Variants in COMMD10 observed in about 807,000 individuals in gnomAD.
The protein encoded by COMMD10 is COMM domain-containing protein 10.
In COMMD10, 33 loss-of-function variants were observed where a neutral mutation model predicts 28.9. The ratio of observed to expected loss-of-function variants is 1.14; its 90% confidence interval spans 0.87 to 1.53. COMMD10 has a LOEUF of 1.53. Among genes scored for constraint, COMMD10 ranks in the 40% most tolerant of loss-of-function variants. The probability of loss-of-function intolerance (pLI) is 0.00; values close to 1 mark genes in which losing one functional copy is unlikely to be tolerated. For synonymous variants in COMMD10, 110 were observed against 81.7 expected (o/e 1.35, Z -1.87); for missense variants, 310 against 233.4 (o/e 1.33, Z -2.14).
intron 5 of COMMD10, among the ~76,000 whole-genome samples, chr5:116,225,910 C>G (rs1351065565): frequency 6.6e-6 from 1 of 151,722 alleles, no homozygotes; most frequent in African/African-American, 2.4e-5. Context: ...AGCTTGTGCT[C>G]TGAATTTGAG....
At chr5:116,235,261 G>A (rs1426976243) in intron 5 of COMMD10, among the ~76,000 whole-genome samples, 1 of 152,128 alleles carries the variant, frequency 6.6e-6, no homozygotes, top group African/African-American at 2.4e-5. Flanking sequence ...ATTCTTTTTA[G>A]GAGTGTTTTT....
chr5:116,108,291 G>C (rs1197922100), intron 4 of COMMD10, among the ~76,000 whole-genome samples: 1 of 152,234 alleles, frequency 6.6e-6, no homozygotes, highest in Non-Finnish European at 1.5e-5. Flanking sequence ...CCTTTCCCCA[G>C]GTGCTCTGTC....
In COMMD10 at chr5:116,176,265, C is replaced by G. The variant is rs541827738; in HGVS notation, c.510+42087C>G. ...TAGCTGAGATTACAGGCATGTGCCA[C>G]CACGCCTAGCTGATTGTTTTTCTAT... On this transcript the variant is annotated intron_variant, in intron 5 of 6. Coordinates refer to ENST00000274458, the MANE Select transcript of COMMD10 (RefSeq NM_016144.4). Among the ~76,000 whole-genome samples the G allele has an allele frequency of 6.2e-4, 95 of 152,280 alleles. 2 individuals carry two copies. Among genetic ancestry groups the G allele is most frequent in the African/African-American group, 2.2e-3 (90 of 41,570 alleles).
chr5:116,245,933 G>C (rs1340960576), intron 5 of COMMD10, among the ~76,000 whole-genome samples: 1 of 152,070 alleles, frequency 6.6e-6, no homozygotes, highest in African/African-American at 2.4e-5. Context: ...ACAAAACAAG[G>C]ATGCCCTCTC....
intron 6 of COMMD10, among the ~76,000 whole-genome samples, chr5:116,292,080 C>T (rs1479149866): frequency 6.6e-6 from 1 of 151,722 alleles, no homozygotes; most frequent in Non-Finnish European, 1.5e-5. Context: ...GTGTGGTTAT[C>T]CTGTTCAGCC....
intron 5 of COMMD10, among the ~76,000 whole-genome samples, chr5:116,221,651 T>A (rs563417681): frequency 1.4e-4 from 22 of 152,326 alleles, no homozygotes; most frequent in African/African-American, 5.3e-4. Context: ...TGGAAAAGTG[T>A]AGATACCTGC....
intron 4 of COMMD10, among the ~76,000 whole-genome samples, chr5:116,104,861 C>T (rs908748715): frequency 6.6e-5 from 10 of 152,166 alleles, no homozygotes; most frequent in Non-Finnish European, 1.0e-4. Context: ...CCTCGTGATC[C>T]GTCCGCCTTG....
intron 5 of COMMD10, among the ~76,000 whole-genome samples, chr5:116,191,244 A>G (rs1748361558): frequency 6.6e-6 from 1 of 152,140 alleles, no homozygotes; most frequent in Non-Finnish European, 1.5e-5. Context: ...AGAGAGAAGT[A>G]AATCTCTAGC....
chr5:116,225,938 T>A (rs1331556507), intron 5 of COMMD10, among the ~76,000 whole-genome samples: 1 of 152,148 alleles, frequency 6.6e-6, no homozygotes, highest in Admixed American at 6.6e-5. Flanking sequence ...CCTTCTGTGA[T>A]TAGCTTGGTG....
rs561284349 is a variant in COMMD10, at chr5:116,183,865, G to C, written c.510+49687G>C. Among the ~76,000 whole-genome samples, 9 of 152,228 alleles carry C rather than the reference G, an allele frequency of 5.9e-5. 1 individual carries two copies. In the South Asian group the frequency reaches 1.9e-3, roughly 32 times the overall value. On this transcript the variant is annotated intron_variant, in intron 5 of 6. Coordinates refer to ENST00000274458, the MANE Select transcript of COMMD10 (RefSeq NM_016144.4). ...GGCAGGCTATACGTGAATAGAATTA[G>C]TGCTTATTAGAAATGAGGTAGGATG...
intron 5 of COMMD10, among the ~76,000 whole-genome samples, chr5:116,191,305 G>A (rs907285876): frequency 4.6e-5 from 7 of 152,040 alleles, no homozygotes; most frequent in African/African-American, 9.7e-5. Flanking sequence ...GCCAGAACTC[G>A]GGTGAGGACA....
At chr5:116,259,104 C>G (rs187923321) in intron 5 of COMMD10, among the ~76,000 whole-genome samples, 1 of 148,674 alleles carries the variant, frequency 6.7e-6, no homozygotes, top group Non-Finnish European at 1.5e-5. Context: ...GCTTTCTCAC[C>G]CAGGCTGGGA....
chr5:116,110,687 G>T (rs1217008291), intron 4 of COMMD10, among the ~76,000 whole-genome samples: 1 of 152,160 alleles, frequency 6.6e-6, no homozygotes, highest in East Asian at 1.9e-4. Context: ...TGGTTCTGCA[G>T]GCTGTACTGG....
At chr5:116,242,046 G>A (rs1326922656) in intron 5 of COMMD10, among the ~76,000 whole-genome samples, 1 of 152,102 alleles carries the variant, frequency 6.6e-6, no homozygotes, top group African/African-American at 2.4e-5. Flanking sequence ...GGAGTCATAG[G>A]ACCCTGAGTT....
chr5:116,238,959 T>A (rs1340972956), intron 5 of COMMD10, among the ~76,000 whole-genome samples: 1 of 152,142 alleles, frequency 6.6e-6, no homozygotes, highest in Non-Finnish European at 1.5e-5. Flanking sequence ...AAAATTTGTT[T>A]TTCTCCAAGA....
Position 116,113,942 on chromosome 5 carries a change from CTT to C in COMMD10, c.400-20124_400-20123del, listed in dbSNP as rs542002058. Among the ~76,000 whole-genome samples, 38 of 151,360 alleles carry C rather than the reference CTT, an allele frequency of 2.5e-4. No individual in the cohort carries two copies. The South Asian group carries it at 7.8e-3, about 31-fold the overall frequency. ...CAATTTAACTTTTGTTTGGAGTAGACTTTGCTCCTTTATATGTGACTTCGATG... is the reference window on the plus strand; with the variant it reads ...CAATTTAACTTTTGTTTGGAGTAGACTGCTCCTTTATATGTGACTTCGATG... On this transcript the variant is annotated intron_variant, in intron 4 of 6. Coordinates refer to ENST00000274458, the MANE Select transcript of COMMD10 (RefSeq NM_016144.4).
chr5:116,203,193 A>T (rs1050286460), intron 5 of COMMD10, among the ~76,000 whole-genome samples: 1 of 152,136 alleles, frequency 6.6e-6, no homozygotes, highest in African/African-American at 2.4e-5. Flanking sequence ...TTAGAGAAAA[A>T]AGAATAAAAA....
intron 4 of COMMD10, among the ~76,000 whole-genome samples, chr5:116,123,190 C>T (rs2221676): frequency 0.51 from 76,864 of 151,910 alleles, 22,062 homozygotes; most frequent in Non-Finnish European, 0.65. Flanking sequence ...CTAGTTTATT[C>T]CAACAAAAGC....
intron 4 of COMMD10, among the ~76,000 whole-genome samples, chr5:116,123,699 T>G (rs951415770): frequency 6.6e-6 from 1 of 152,190 alleles, no homozygotes; most frequent in Non-Finnish European, 1.5e-5. Context: ...TGTCTGGTCC[T>G]TGGCTTTTTT....
Sources: allele counts gnomAD v4.1 joint callset (sites outside exome capture counted in the v4.1 genomes callset), GRCh38; gene constraint gnomAD v4.1.1; transcripts MANE v1.5; gene names NCBI Gene and HGNC (gene_info 2026-07-23, HGNC 2026-07-21).